Variants in IL1RAPL2 observed in about 807,000 individuals in gnomAD.
IL1RAPL2 encodes X-linked interleukin-1 receptor accessory protein-like 2.
Under a neutral mutation model 44.1 loss-of-function variants are expected in IL1RAPL2, and 3 were observed. The observed-to-expected ratio is 0.07, with a 90% CI of 0.03 to 0.18. The LOEUF (loss-of-function observed/expected upper bound fraction) is 0.18, where lower values mean the gene tolerates loss of function less well. IL1RAPL2 is among the 10% of genes least tolerant of loss of function. IL1RAPL2 has a pLI of 1.00. For missense variants in IL1RAPL2, 391 were observed against 496.4 expected, an observed-to-expected ratio of 0.79 and a Z score of 2.02; for synonymous variants, 181 against 178.8, an observed-to-expected ratio of 1.01 and a Z score of -0.10.
At chrX:105,286,176 G>A (rs1391559494) in intron 5 of IL1RAPL2, among the ~76,000 whole-genome samples, 4 of 111,022 alleles carry the variant, frequency 3.6e-5, no homozygotes, top group African/African-American at 9.8e-5. Context: ...AAGGAAATAC[G>A]ATGGAATGAA....
At chrX:105,052,355 C>G (rs1047550717) in intron 2 of IL1RAPL2, among the ~76,000 whole-genome samples, 1 of 111,864 alleles carries the variant, frequency 8.9e-6, no homozygotes, top group Non-Finnish European at 1.9e-5. Context: ...CACAACTAGC[C>G]GTAAAGAAAA....
At chrX:105,420,337 T>A (rs1328587272) in intron 5 of IL1RAPL2, among the ~76,000 whole-genome samples, 8 of 111,985 alleles carry the variant, frequency 7.1e-5, no homozygotes, top group Non-Finnish European at 1.5e-4. Flanking sequence ...GAATCCTCTT[T>A]ACAAAAACCT....
At chrX:105,015,315 A>T (rs926903562) in intron 2 of IL1RAPL2, among the ~76,000 whole-genome samples, 1 of 111,145 alleles carries the variant, frequency 9.0e-6, no homozygotes. Context: ...CTTTAGTTTA[A>T]TTAGATCCCG....
intron 5 of IL1RAPL2, among the ~76,000 whole-genome samples, chrX:105,298,493 G>A (rs2034671444): frequency 9.0e-6 from 1 of 111,187 alleles, no homozygotes. Context: ...AGAATGAGGA[G>A]GAATAAGCTT....
At chrX:104,924,059 CAAAG>C (rs1355703194) in intron 2 of IL1RAPL2, among the ~76,000 whole-genome samples, 4 of 99,447 alleles carry the variant, frequency 4.0e-5, no homozygotes, top group Non-Finnish European at 4.2e-5. Flanking sequence ...AAAAAAAAGA[CAAAG>C]AAGGGCATTA....
chrX:105,085,017 G>A (rs2032462192), intron 2 of IL1RAPL2, among the ~76,000 whole-genome samples: 1 of 111,724 alleles, frequency 9.0e-6, no homozygotes, highest in Admixed American at 9.6e-5. Context: ...CATGTAAGAC[G>A]TGCCTGCTTT....
intron 2 of IL1RAPL2, among the ~76,000 whole-genome samples, chrX:104,891,462 T>C (rs1455171642): frequency 8.9e-6 from 1 of 111,994 alleles, no homozygotes; most frequent in African/African-American, 3.2e-5. Context: ...GTGTCCTCTT[T>C]TATTTCACTG....
In IL1RAPL2 at chrX:104,662,028, T is replaced by C. The variant is rs1259089409; in HGVS notation, c.82+3033T>C. Among the ~76,000 whole-genome samples, 3 of 112,413 alleles carry C rather than the reference T, an allele frequency of 2.7e-5. No individual in the cohort carries two copies. In the East Asian group the frequency reaches 8.4e-4, roughly 31 times the overall value. ...CTGCTGTTGCTAATGGCCACCCTTA[T>C]GCACAAGACAGAGAGAGGACCAAGG... On this transcript the variant is annotated intron_variant, in intron 2 of 10. Transcript: ENST00000372582.
intron 7 of IL1RAPL2, among the ~76,000 whole-genome samples, chrX:105,722,112 A>G (rs747568606): frequency 1.1e-3 from 121 of 112,144 alleles, no homozygotes; most frequent in African/African-American, 3.8e-3. Flanking sequence ...CACCTAATCT[A>G]TATGGTATAG....
chrX:105,244,059 A>G (rs2147642954), intron 4 of IL1RAPL2, among the ~76,000 whole-genome samples: 1 of 111,540 alleles, frequency 9.0e-6, no homozygotes, highest in East Asian at 2.8e-4. Flanking sequence ...GGAGCCCTCA[A>G]TCAAATGCAC....
chrX:105,079,879 T>G (rs1369697244), intron 2 of IL1RAPL2, among the ~76,000 whole-genome samples: 1 of 111,446 alleles, frequency 9.0e-6, no homozygotes, highest in Non-Finnish European at 1.9e-5. Context: ...CCTGACTTTT[T>G]AATAATCACC....
intron 6 of IL1RAPL2, among the ~76,000 whole-genome samples, chrX:105,564,661 T>C (rs887506833): frequency 8.9e-5 from 10 of 111,758 alleles, no homozygotes; most frequent in African/African-American, 2.9e-4. Flanking sequence ...TGATGAGAAG[T>C]GTTAGCAAAG....
intron 5 of IL1RAPL2, among the ~76,000 whole-genome samples, chrX:105,477,899 C>G (rs2036208536): frequency 8.9e-6 from 1 of 111,840 alleles, no homozygotes; most frequent in Non-Finnish European, 1.9e-5. Flanking sequence ...TGACAAAATC[C>G]AGTGACTATT....
In IL1RAPL2 at chrX:104,789,459, C is replaced by T. The variant is rs1462661021; in HGVS notation, c.82+130464C>T. Among the ~76,000 whole-genome samples, 3 of 111,442 alleles carry T rather than the reference C, an allele frequency of 2.7e-5. No individual in the cohort carries two copies. The South Asian group carries it at 1.1e-3, about 42-fold the overall frequency. The stretch of plus-strand genomic sequence containing the variant: ...GTGTTTAGAAATTGTTATCCCCTGT[C>T]AATGGGATAAGTTAGTCTCTAGCTT... On this transcript the variant is annotated intron_variant, in intron 2 of 10. Transcript: ENST00000372582.
At chrX:104,761,043 C>A (rs889349551) in intron 2 of IL1RAPL2, among the ~76,000 whole-genome samples, 1 of 111,518 alleles carries the variant, frequency 9.0e-6, no homozygotes, top group Non-Finnish European at 1.9e-5. Context: ...ATTGCCTTTT[C>A]CCCAGTATGT....
chrX:104,983,371 T>A (rs2030479907), intron 2 of IL1RAPL2, among the ~76,000 whole-genome samples: 1 of 101,586 alleles, frequency 9.8e-6, no homozygotes, highest in African/African-American at 3.5e-5. Context: ...TTGCTCTCTC[T>A]ATATATAGAA....
At chrX:104,584,291 T>C (rs755174136) in intron 1 of IL1RAPL2, among the ~76,000 whole-genome samples, 1 of 111,178 alleles carries the variant, frequency 9.0e-6, no homozygotes, top group Admixed American at 9.6e-5. Context: ...GTAAAGATAA[T>C]GCAACAGGGA....
chrX:104,906,095 G>A (rs367602845), intron 2 of IL1RAPL2, among the ~76,000 whole-genome samples: 1 of 108,997 alleles, frequency 9.2e-6, no homozygotes, highest in Non-Finnish European at 1.9e-5. Context: ...TCATGATTTG[G>A]CTCTCTGTTT....
chrX:105,687,416 T>TA (rs1479921354), intron 6 of IL1RAPL2, among the ~76,000 whole-genome samples: 1 of 111,117 alleles, frequency 9.0e-6, no homozygotes, highest in African/African-American at 3.3e-5. Flanking sequence ...ATCCCGCAGA[T>TA]ATGAAAACTA....
Sources: allele counts gnomAD v4.1 joint callset (sites outside exome capture counted in the v4.1 genomes callset), GRCh38; gene constraint gnomAD v4.1.1; transcripts MANE v1.5; gene names NCBI Gene and HGNC (gene_info 2026-07-23, HGNC 2026-07-21).